Variants in POLN observed in about 807,000 individuals in gnomAD.
POLN encodes DNA polymerase nu, also known as DNA polymerase N.
In POLN, 108 loss-of-function variants were observed where a neutral mutation model predicts 113.5. The ratio of observed to expected loss-of-function variants is 0.95; its 90% CI spans 0.81 to 1.12. POLN has a LOEUF of 1.12. POLN is among the 50% of genes most tolerant of loss of function. The probability of loss-of-function intolerance (pLI) is 0.00; values close to 1 mark genes in which losing one functional copy is unlikely to be tolerated. For synonymous variants in POLN, 386 were observed against 391.5 expected (o/e 0.99, Z 0.17); for missense variants, 1,097 against 1,077.1 (o/e 1.02, Z -0.26).
intron 19 of POLN, among the ~76,000 whole-genome samples, chr4:2,113,292 C>T (rs549061435): frequency 2.0e-5 from 3 of 150,116 alleles, no homozygotes; most frequent in South Asian, 2.1e-4. Flanking sequence ...TGCTAAATGA[C>T]GAGTTAATGG....
At chr4:2,232,812 A>C (rs1395447395) in intron 2 of POLN, among the ~76,000 whole-genome samples, 1 of 152,162 alleles carries the variant, frequency 6.6e-6, no homozygotes, top group African/African-American at 2.4e-5. Context: ...ACAAGTTTCC[A>C]TAGCTTTCTA....
intron 7 of POLN, among the ~76,000 whole-genome samples, chr4:2,183,128 G>C (rs1733184399): frequency 6.6e-6 from 1 of 152,132 alleles, no homozygotes; most frequent in Non-Finnish European, 1.5e-5. Flanking sequence ...CATCCACTTG[G>C]ATGACTAAAA....
At chr4:2,170,612 G>A in intron 13 of POLN, 67 bp downstream of exon 13, 1 of 1,409,652 alleles carries the variant, frequency 7.1e-7, no homozygotes, top group South Asian at 1.2e-5. Context: ...GGGTCTGAAG[G>A]TCAGCACACA....
chr4:2,201,153 GT>G (rs1334505439), intron 5 of POLN, among the ~76,000 whole-genome samples: 1 of 151,464 alleles, frequency 6.6e-6, no homozygotes, highest in Non-Finnish European at 1.5e-5. Context: ...TGTAGTCCTA[GT>G]TACTCAAGAG....
intron 16 of POLN, among the ~76,000 whole-genome samples, chr4:2,137,184 G>C (rs1731878642): frequency 6.6e-6 from 1 of 152,198 alleles, no homozygotes; most frequent in African/African-American, 2.4e-5. Context: ...AGCAAAGAAG[G>C]TGCTGCTTTT....
intron 19 of POLN, among the ~76,000 whole-genome samples, chr4:2,101,743 G>T (rs1048641251): frequency 1.3e-5 from 2 of 152,230 alleles, no homozygotes; most frequent in Admixed American, 1.3e-4. Flanking sequence ...GTGGAACAAG[G>T]GTGTGAGCAG....
chr4:2,181,816 C>G (rs988603862), intron 7 of POLN, among the ~76,000 whole-genome samples: 1 of 151,898 alleles, frequency 6.6e-6, no homozygotes, highest in African/African-American at 2.4e-5. Flanking sequence ...TTGGCTAACA[C>G]GGTGAAACCC....
chr4:2,181,456 GAAT>G (rs770185797), intron 7 of POLN, among the ~76,000 whole-genome samples: 1 of 151,260 alleles, frequency 6.6e-6, no homozygotes, highest in Admixed American at 6.6e-5. Context: ...AAAAAAGACA[GAAT>G]ATTTTTTTAA....
chr4:2,081,290 G>A, intron 22 of POLN: 1 of 1,127,296 alleles, frequency 8.9e-7, no homozygotes, highest in Non-Finnish European at 1.3e-6. Context: ...GGCATGCATG[G>A]GGAGGATGGA....
intron 19 of POLN, among the ~76,000 whole-genome samples, chr4:2,123,085 C>A (rs1731487929): frequency 6.6e-6 from 1 of 151,760 alleles, no homozygotes; most frequent in Non-Finnish European, 1.5e-5. Flanking sequence ...TTGAGTCCAG[C>A]AAGCGGTTGA....
chr4:2,176,399 G>A, intron 8 of POLN, 65 bp from the exon 9 acceptor site: 1 of 1,239,594 alleles, frequency 8.1e-7, no homozygotes, highest in East Asian at 2.5e-5. Flanking sequence ...ACCACAGTCT[G>A]TAACTGACAT....
intron 3 of POLN, among the ~76,000 whole-genome samples, chr4:2,223,509 C>T (rs761937208): frequency 3.3e-5 from 5 of 152,154 alleles, no homozygotes; most frequent in Non-Finnish European, 5.9e-5. Context: ...AGCATCCACC[C>T]GACCCCCATC....
At position 2,158,516 on chromosome 4, in the gene POLN, T is replaced by C. The variant is rs1577729593; in HGVS notation, c.1612-605A>G. ...ACACAGTGTCTCCTCTGGTGGCCCC[T>C]TTACATCGTTGCAGGGAGAAAGGGC... On this transcript the variant is annotated intron_variant, in intron 14 of 25. Coordinates refer to ENST00000511885, the MANE Select transcript of POLN (RefSeq NM_181808.4). 2.6e-5 allele frequency among the ~76,000 whole-genome samples: 4 copies of C among 152,254 alleles called. No homozygotes were observed. The South Asian group carries it at 8.3e-4, about 32-fold the overall frequency.
chr4:2,122,608 G>GA (rs1409484029), intron 19 of POLN, among the ~76,000 whole-genome samples: 1 of 152,156 alleles, frequency 6.6e-6, no homozygotes, highest in African/African-American at 2.4e-5. Flanking sequence ...AGAATGCAGA[G>GA]AAACTTGAAC....
At chr4:2,149,370 C>G (rs1462200918) in intron 16 of POLN, among the ~76,000 whole-genome samples, 2 of 152,036 alleles carry the variant, frequency 1.3e-5, no homozygotes, top group African/African-American at 4.8e-5. Flanking sequence ...GAAATAAAGA[C>G]ATTTCCAGAT....
chr4:2,081,673 C>T lies in POLN; in HGVS notation c.2268G>A (p.Arg756=). Residue 756 remains arginine (R), a synonymous_variant, in exon 22 of 26, where the codon CGG becomes CGA. Coordinates refer to ENST00000511885, the MANE Select transcript of POLN (RefSeq NM_181808.4). Reference sequence around the variant, plus strand: ...TCACTGCCTGTCGCTCTGCTTGTGCCCGGAGTTGCTGGTCATGAGCGTGAA... The same window carrying T: ...TCACTGCCTGTCGCTCTGCTTGTGCTCGGAGTTGCTGGTCATGAGCGTGAA... The part of the protein sequence containing the change: ...PRIHAHDQQL[R]AQAERQAVNF... 7 of 1,614,198 alleles carry T rather than the reference C, an allele frequency of 4.3e-6. No individual in the cohort carries two copies. The highest frequency in any genetic ancestry group is 5.1e-6 in the Non-Finnish European group (6 of 1,180,034).
intron 13 of POLN, among the ~76,000 whole-genome samples, chr4:2,161,735 G>C (rs1377005045): frequency 6.6e-6 from 1 of 152,262 alleles, no homozygotes; most frequent in East Asian, 1.9e-4. Flanking sequence ...GGGCTCCTGA[G>C]TCTGGTGGGG....
At chr4:2,202,133 CA>C (rs564856954) in intron 5 of POLN, among the ~76,000 whole-genome samples, 1 of 151,388 alleles carries the variant, frequency 6.6e-6, no homozygotes, top group Non-Finnish European at 1.5e-5. Flanking sequence ...CAAAACAAAA[CA>C]AAAAAAACAA....
chr4:2,206,350 T>G (rs954779626), intron 5 of POLN, among the ~76,000 whole-genome samples: 2 of 152,338 alleles, frequency 1.3e-5, no homozygotes, highest in South Asian at 2.1e-4. Flanking sequence ...AAGGATTTCA[T>G]GACCAAGAAC....
Sources: gnomAD v4.1 joint callset for allele counts (sites outside exome capture counted in the v4.1 genomes callset) on GRCh38, gnomAD v4.1.1 for gene constraint, MANE v1.5 for transcripts, NCBI Gene and HGNC (gene_info 2026-07-23, HGNC 2026-07-21) for gene names.